The following PCGF6 variants were observed in gnomAD, a reference collection of about 807,000 sequenced individuals.
PCGF6 encodes polycomb group ring finger 6, also known as polycomb group RING finger protein 6.
PCGF6 carries 24 observed loss-of-function variants against 45.5 expected under a neutral mutation model. That is an observed-to-expected ratio of 0.53 (90% CI 0.38 to 0.74). The LOEUF (loss-of-function observed/expected upper bound fraction) is 0.74. Ranked by LOEUF, PCGF6 falls within the 30% of genes least tolerant of loss-of-function variation. The pLI is 0.00. For missense variants in PCGF6, 356 were observed against 443.2 expected, an observed-to-expected ratio of 0.80 and a Z score of 1.77; for synonymous variants, 152 against 162.1, an observed-to-expected ratio of 0.94 and a Z score of 0.47.
intron 8 of PCGF6, among the ~76,000 whole-genome samples, chr10:103,320,746 T>C (rs192191442): frequency 6.6e-6 from 1 of 152,294 alleles, no homozygotes; most frequent in Non-Finnish European, 1.5e-5. Context: ...TTTTTAAAAT[T>C]TGATCTGCCA....
intron 8 of PCGF6, among the ~76,000 whole-genome samples, chr10:103,318,580 CA>C (rs1398143113): frequency 2.7e-5 from 4 of 150,330 alleles, no homozygotes; most frequent in Non-Finnish European, 5.9e-5. Context: ...CTGTCTCTAC[CA>C]AAAATACAAA....
chr10:103,307,096 C>T (rs976389664), intron 9 of PCGF6, among the ~76,000 whole-genome samples: 7 of 150,554 alleles, frequency 4.6e-5, no homozygotes, highest in Non-Finnish European at 7.4e-5. Flanking sequence ...AGAGCCAGAC[C>T]CTGTCTCAAA....
At chr10:103,336,149 G>A (rs1019661231) in intron 6 of PCGF6, among the ~76,000 whole-genome samples, 3 of 151,508 alleles carry the variant, frequency 2.0e-5, no homozygotes, top group Non-Finnish European at 4.4e-5. Flanking sequence ...CAGGAGAATC[G>A]CTTGAAATCG....
chr10:103,334,043 CAATT>C (rs764663594), intron 6 of PCGF6, 91 bp from the exon 7 acceptor site: 5 of 855,982 alleles, frequency 5.8e-6, no homozygotes, highest in Non-Finnish European at 8.4e-6. Context: ...TGAGAAACAT[CAATT>C]CATTGTAATT....
chr10:103,317,079 C>T (rs1020143584), intron 8 of PCGF6, among the ~76,000 whole-genome samples: 11 of 152,260 alleles, frequency 7.2e-5, no homozygotes, highest in African/African-American at 2.6e-4. Context: ...GGCGCAATCT[C>T]AGCACACTGC....
At chr10:103,315,800 A>G (rs1437834067) in intron 8 of PCGF6, among the ~76,000 whole-genome samples, 1 of 152,084 alleles carries the variant, frequency 6.6e-6, no homozygotes, top group Non-Finnish European at 1.5e-5. Flanking sequence ...GCTCCGGCCA[A>G]TATACTGACT....
At chr10:103,329,000 G>A (rs186913494) in intron 7 of PCGF6, among the ~76,000 whole-genome samples, 96 of 151,278 alleles carry the variant, frequency 6.3e-4, no homozygotes, top group East Asian at 2.9e-3. Context: ...CGGCCTCAGC[G>A]TCCCGAAGTG....
chr10:103,327,922 G>A lies in PCGF6; in HGVS notation c.811-1290C>T, dbSNP rs191744158. Among the ~76,000 whole-genome samples, 1,128 of 150,538 alleles carry A rather than the reference G, an allele frequency of 7.5e-3. 20 individuals are homozygous for A. The highest frequency in any genetic ancestry group is 0.074 in the South Asian group (353 of 4,766). ...AATCTCCTGACCTCGTGATCCACCC[G>A]CCTCAGCCTCCCAAAGTGCTGGGAG... On this transcript the variant is annotated intron_variant, in intron 7 of 9. Coordinates refer to ENST00000369847, the MANE Select transcript of PCGF6 (RefSeq NM_001011663.2).
At chr10:103,349,034 T>A in intron 1 of PCGF6, 35 bp from the exon 2 acceptor site, 1 of 1,505,004 alleles carries the variant, frequency 6.6e-7, no homozygotes, top group Admixed American at 2.0e-5. Flanking sequence ...AAAATACAAG[T>A]CCTTGCCTTT....
At chr10:103,334,075 G>T (rs1296787979) in intron 6 of PCGF6, 123 bp from the exon 7 acceptor site, 2 of 635,340 alleles carry the variant, frequency 3.1e-6, no homozygotes, top group South Asian at 4.4e-5. Flanking sequence ...ACAGTCACCT[G>T]AAGTTTTATG....
intron 6 of PCGF6, among the ~76,000 whole-genome samples, chr10:103,340,429 G>A (rs1203033925): frequency 1.3e-5 from 2 of 151,836 alleles, no homozygotes; most frequent in Admixed American, 6.6e-5. Flanking sequence ...AGGAAAGCCT[G>A]CTATGATTAA....
chr10:103,349,091 C>A, intron 1 of PCGF6, 92 bp from the exon 2 acceptor site: 1 of 1,070,162 alleles, frequency 9.3e-7, no homozygotes, highest in East Asian at 2.5e-5. Flanking sequence ...CTCTGTAGCC[C>A]AAGCTGAGTG....
intron 6 of PCGF6, among the ~76,000 whole-genome samples, chr10:103,336,219 G>A (rs1406457699): frequency 1.3e-5 from 2 of 151,418 alleles, no homozygotes; most frequent in African/African-American, 4.9e-5. Flanking sequence ...GGGCAACAGA[G>A]TGAGACTGCG....
rs1454687182 is a variant in PCGF6, at chr10:103,333,799, A to T, written c.810+126T>A. On this transcript the variant is annotated intron_variant, in intron 7 of 9. Transcript: ENST00000369847. ...AATAACTTTTATTCATAAATCTATA[A>T]TATTATTAAATGTACTTCATATTTA... The T allele has an allele frequency of 1.6e-5, 10 of 634,418 alleles. No individual in the cohort carries two copies. In the East Asian group the frequency reaches 3.4e-4, roughly 22 times the overall value. The allele number at this position is 634,418 out of a possible 1,614,324, so 39.3% of individuals were successfully genotyped here.
chr10:103,340,968 G>A (rs1025743012), intron 6 of PCGF6, among the ~76,000 whole-genome samples: 3 of 151,950 alleles, frequency 2.0e-5, no homozygotes, highest in African/African-American at 4.8e-5. Context: ...GGTGGCTCAC[G>A]CCTGTAATCC....
intron 8 of PCGF6, among the ~76,000 whole-genome samples, chr10:103,324,481 G>C (rs1473966975): frequency 6.6e-6 from 1 of 151,970 alleles, no homozygotes; most frequent in Non-Finnish European, 1.5e-5. Context: ...TATTATGGCT[G>C]GGCGCGGTGG....
At chr10:103,307,364 G>A (rs2093141483) in intron 9 of PCGF6, among the ~76,000 whole-genome samples, 1 of 151,964 alleles carries the variant, frequency 6.6e-6, no homozygotes, top group East Asian at 1.9e-4. Context: ...TTGAGCCCAG[G>A]AGGTTGAGGC....
intron 9 of PCGF6, among the ~76,000 whole-genome samples, chr10:103,311,356 GGTCTTGAACTCCT>G (rs2093156669): frequency 6.6e-6 from 1 of 151,828 alleles, no homozygotes; most frequent in South Asian, 2.1e-4. Context: ...TGGCCAGGCT[GGTCTTGAACTCCT>G]GACTTCAAAT....
At chr10:103,321,981 C>A (rs970114424) in intron 8 of PCGF6, among the ~76,000 whole-genome samples, 1 of 151,480 alleles carries the variant, frequency 6.6e-6, no homozygotes, top group African/African-American at 2.4e-5. Context: ...CTGCAACCTC[C>A]GCTTCCTAGG....
Sources: gnomAD v4.1 joint callset for allele counts (sites outside exome capture counted in the v4.1 genomes callset) on GRCh38, gnomAD v4.1.1 for gene constraint, MANE v1.5 for transcripts, NCBI Gene and HGNC (gene_info 2026-07-23, HGNC 2026-07-21) for gene names.